The following BRF1 variants were observed in gnomAD, a reference collection of about 807,000 sequenced individuals.
BRF1 encodes the protein transcription factor IIIB 90 kDa subunit.
In BRF1, 59 loss-of-function variants were observed where a neutral mutation model predicts 81.7. The observed-to-expected ratio is 0.72, with a 90% CI of 0.59 to 0.90. The LOEUF (loss-of-function observed/expected upper bound fraction) is 0.90, where lower values mean the gene tolerates loss of function less well. BRF1 is among the 40% of genes least tolerant of loss of function. BRF1 has a pLI of 0.00. For missense variants in BRF1, 1,050 were observed against 936.3 expected (o/e 1.12, Z -1.58); for synonymous variants, 491 against 395.6 (o/e 1.24, Z -2.86).
intron 4 of BRF1, among the ~76,000 whole-genome samples, chr14:105,255,122 A>G (rs1231931326): frequency 2.0e-5 from 3 of 152,222 alleles, no homozygotes; most frequent in Non-Finnish European, 4.4e-5. Flanking sequence ...GGGAGACTCC[A>G]TGAGCTCGCC....
chr14:105,218,896 C>T (rs1891778190), intron 14 of BRF1, 102 bp downstream of exon 14: 2 of 1,548,580 alleles, frequency 1.3e-6, no homozygotes, highest in African/African-American at 2.7e-5. Context: ...GCCCTGGGGC[C>T]TAGACCCTCC....
intron 5 of BRF1, chr14:105,247,699 A>G (rs1404400640): frequency 2.0e-6 from 2 of 985,258 alleles, no homozygotes; most frequent in Admixed American, 1.2e-4. Context: ...TGGAAGTTTT[A>G]AAAGTCTAAA....
intron 4 of BRF1, among the ~76,000 whole-genome samples, chr14:105,253,383 C>T (rs2055711100): frequency 6.6e-6 from 1 of 152,236 alleles, no homozygotes; most frequent in Non-Finnish European, 1.5e-5. Flanking sequence ...TGGCTGTCTT[C>T]ATCCCAGGCT....
chr14:105,286,382 AAC>A lies in BRF1; in HGVS notation c.185-8_185-7del, dbSNP rs1447815167. 2.5e-6 allele frequency: 4 copies of A among 1,611,616 alleles called. No homozygotes were observed. The highest frequency in any genetic ancestry group is 2.5e-6 in the Non-Finnish European group (3 of 1,178,992). On this transcript the variant is annotated splice_polypyrimidine_tract_variant and splice_region_variant and intron_variant, in intron 1 of 17. Coordinates refer to ENST00000547530, the MANE Select transcript of BRF1 (RefSeq NM_001519.4). ...AGTCGGGGTTTTGCCAGCACCTGGAAACACAAAAAAAGACAGATCAGCCAAAA... is the reference window on the plus strand; with the variant it reads ...AGTCGGGGTTTTGCCAGCACCTGGAAACAAAAAAAGACAGATCAGCCAAAA...
chr14:105,249,962 G>A (rs1332586609), intron 5 of BRF1: 1 of 1,612,290 alleles, frequency 6.2e-7, no homozygotes, highest in South Asian at 1.1e-5. Context: ...GGTGGTCTTC[G>A]AGGCCGTCCT....
chr14:105,265,054 G>GTTTTTTTTT (rs587673120), intron 3 of BRF1, among the ~76,000 whole-genome samples: 4 of 130,108 alleles, frequency 3.1e-5, no homozygotes, highest in Non-Finnish European at 3.3e-5. Context: ...CCTTTTTTTT[G>GTTTTTTTTT]TTTTTTTTTT....
intron 1 of BRF1, among the ~76,000 whole-genome samples, chr14:105,291,513 T>C (rs2057510277): frequency 6.6e-6 from 1 of 151,494 alleles, no homozygotes; most frequent in Non-Finnish European, 1.5e-5. Flanking sequence ...CCGTCTCTAC[T>C]AAAACATACA....
At chr14:105,286,486 TG>T in intron 1 of BRF1, 110 bp from the exon 2 acceptor site, 1 of 1,142,592 alleles carries the variant, frequency 8.8e-7, no homozygotes, top group Non-Finnish European at 1.3e-6. Flanking sequence ...TCAGCACTCA[TG>T]GGGGAAGCAG....
upstream of BRF1, among the ~76,000 whole-genome samples, chr14:105,303,894 C>G (rs2058101815): frequency 6.6e-6 from 1 of 152,194 alleles, no homozygotes; most frequent in Non-Finnish European, 1.5e-5. Context: ...ATGGAGGGAG[C>G]CCTTGAGGAT....
At chr14:105,296,290 C>T (rs1051872721) in intron 1 of BRF1, among the ~76,000 whole-genome samples, 11 of 151,878 alleles carry the variant, frequency 7.2e-5, no homozygotes, top group African/African-American at 1.5e-4. Context: ...TTTGGGAGGC[C>T]GAGGTGGGCG....
intron 1 of BRF1, among the ~76,000 whole-genome samples, chr14:105,312,073 G>A (rs1001149181): frequency 4.6e-5 from 7 of 152,184 alleles, no homozygotes; most frequent in Non-Finnish European, 8.8e-5. Context: ...CCCACTCCCC[G>A]ACTTCAGCAG....
intron 1 of BRF1, among the ~76,000 whole-genome samples, chr14:105,295,089 G>T (rs185467959): frequency 1.3e-5 from 2 of 152,138 alleles, no homozygotes; most frequent in Non-Finnish European, 2.9e-5. Flanking sequence ...TCCATAAGGA[G>T]CAGAACCCTG....
intron 15 of BRF1, among the ~76,000 whole-genome samples, chr14:105,216,833 A>G (rs1891405013): frequency 6.6e-6 from 1 of 152,200 alleles, no homozygotes; most frequent in South Asian, 2.1e-4. Flanking sequence ...GGTGGAGTGA[A>G]GGTCGGAACC....
chr14:105,264,608 A>G (rs2056313142), intron 3 of BRF1, among the ~76,000 whole-genome samples: 1 of 147,944 alleles, frequency 6.8e-6, no homozygotes, highest in Non-Finnish European at 1.5e-5. Context: ...CAGAGCATGC[A>G]GTGAGCCGAG....
Position 105,271,264 on chromosome 14 carries a change from G to A in BRF1, c.439+1457C>T, listed in dbSNP as rs1464566474. Among the ~76,000 whole-genome samples, 1 of 152,258 alleles carries A rather than the reference G, an allele frequency of 6.6e-6. No homozygotes were observed. Among genetic ancestry groups the A allele is most frequent in the Non-Finnish European group, 1.5e-5 (1 of 68,044 alleles). ...ATTCAACAGAAGCTCAGGACAGGAA[G>A]CTGTCAGAGAGCAAAGGCCTGATGG... On this transcript the variant is annotated intron_variant, in intron 3 of 17. Transcript: ENST00000547530. This position sits in a 1 kb window ranked among gnomAD's most constrained non-coding sequence, Gnocchi z 5.5.
intron 5 of BRF1, among the ~76,000 whole-genome samples, chr14:105,251,388 G>A (rs587652386): frequency 8.5e-5 from 13 of 152,314 alleles, no homozygotes; most frequent in African/African-American, 2.9e-4. Flanking sequence ...TGGGCCCAGC[G>A]TTCTGGACCC....
chr14:105,211,142 A>AG lies in BRF1; in HGVS notation c.1975dup (p.Leu659ProfsTer12). 1 of 1,612,632 alleles carries AG rather than the reference A, an allele frequency of 6.2e-7. No individual in the cohort carries two copies. The highest frequency in any genetic ancestry group is 2.2e-5 in the East Asian group (1 of 44,854). On this transcript the variant is annotated frameshift_variant, in exon 17 of 18. Transcript: ENST00000547530. LOFTEE classifies it high-confidence loss of function. ...CCCACCGTTGCTGCCCATCATCTGC[A>AG]GGGCACTGACGCAGGGCTCCCCGTC...
Position 105,226,072 on chromosome 14 carries a change from C to G in BRF1, c.1045G>C (p.Asp349His). ...GGGCCGGGCACAGTGGACTCACCAT[C>G]TTTTGCCAGGCTGGCCAGGCCCCCC... The part of the protein sequence containing the change: ...AKGGLASLAK[D>H]GSTEDTASSL... Residue 349 changes from aspartate to histidine, a missense_variant, in exon 10 of 18, where the codon GAT (aspartate) becomes CAT (histidine). Transcript: ENST00000547530. 2 of 1,613,614 alleles carry G rather than the reference C, an allele frequency of 1.2e-6. No homozygotes were observed. The highest frequency in any genetic ancestry group is 1.3e-5 in the African/African-American group (1 of 75,028).
chr14:105,249,201 T>A (rs1283262590), intron 5 of BRF1: 2 of 1,589,212 alleles, frequency 1.3e-6, no homozygotes, highest in Non-Finnish European at 1.7e-6. Context: ...GACGTGCACT[T>A]CGTCGTGGGG....
Sources: allele counts gnomAD v4.1 joint callset (sites outside exome capture counted in the v4.1 genomes callset), GRCh38; gene constraint gnomAD v4.1.1; non-coding constraint Gnocchi (gnomAD v3.1); transcripts MANE v1.5; gene names NCBI Gene and HGNC (gene_info 2026-07-23, HGNC 2026-07-21).